Variants in CERS6 observed in about 807,000 individuals in gnomAD.
CERS6 encodes ceramide synthase 6.
Under a neutral mutation model 56.8 loss-of-function variants are expected in CERS6, and 26 were observed. The observed-to-expected ratio is 0.46, with a 90% CI of 0.34 to 0.63. The LOEUF is 0.63. Among genes scored for constraint, CERS6 ranks in the 30% least tolerant of loss-of-function variants. The probability of loss-of-function intolerance (pLI) is 0.01; values close to 1 mark genes in which losing one functional copy is unlikely to be tolerated. For synonymous variants in CERS6, 164 were observed against 173.3 expected, an observed-to-expected ratio of 0.95 and a Z score of 0.42; for missense variants, 415 against 467.5, an observed-to-expected ratio of 0.89 and a Z score of 1.04.
At chr2:168,753,908 AT>A (rs1013002593) in intron 8 of CERS6, among the ~76,000 whole-genome samples, 15 of 152,204 alleles carry the variant, frequency 9.9e-5, no homozygotes, top group African/African-American at 3.4e-4. Context: ...ACTATCTCTT[AT>A]CCCCTTCCTT....
intron 3 of CERS6, among the ~76,000 whole-genome samples, chr2:168,617,252 A>G (rs1559022283): frequency 6.6e-6 from 1 of 152,186 alleles, no homozygotes; most frequent in Non-Finnish European, 1.5e-5. Context: ...AGGAAGGTTC[A>G]TAGCCCTAAA....
chr2:168,539,806 T>A (rs2105367902), intron 1 of CERS6, among the ~76,000 whole-genome samples: 1 of 152,346 alleles, frequency 6.6e-6, no homozygotes, highest in Non-Finnish European at 1.5e-5. Flanking sequence ...CCACTTCTCC[T>A]TTATTGAATT....
intron 3 of CERS6, among the ~76,000 whole-genome samples, chr2:168,608,449 A>G (rs975478981): frequency 9.9e-5 from 15 of 152,196 alleles, no homozygotes; most frequent in African/African-American, 3.6e-4. Context: ...ATGAACATGA[A>G]TATCTAAGAA....
intron 1 of CERS6, among the ~76,000 whole-genome samples, chr2:168,507,629 G>T (rs1224102342): frequency 7.9e-5 from 12 of 152,214 alleles, no homozygotes; most frequent in Admixed American, 7.2e-4. Context: ...CTGTGTAATT[G>T]ATTAGTATTT....
At chr2:168,766,252 A>G in intron 9 of CERS6, 1 of 1,459,960 alleles carries the variant, frequency 6.8e-7, no homozygotes, top group Non-Finnish European at 9.5e-7. Flanking sequence ...TGTAGAGCAG[A>G]GACTTTTCCA....
chr2:168,695,286 G>A (rs922683856), intron 6 of CERS6, among the ~76,000 whole-genome samples: 33 of 152,070 alleles, frequency 2.2e-4, no homozygotes, highest in African/African-American at 7.5e-4. Flanking sequence ...ATGTAATAAT[G>A]TAGCAATGAA....
At chr2:168,523,286 A>C (rs1020018116) in intron 1 of CERS6, among the ~76,000 whole-genome samples, 4 of 152,234 alleles carry the variant, frequency 2.6e-5, no homozygotes, top group African/African-American at 9.6e-5. Context: ...GCTGAGTGGA[A>C]AAATGAACAG....
At chr2:168,657,461 C>T (rs893714356) in intron 4 of CERS6, among the ~76,000 whole-genome samples, 2 of 152,234 alleles carry the variant, frequency 1.3e-5, no homozygotes, top group South Asian at 2.1e-4. Flanking sequence ...CTTGGGTGGT[C>T]GATGGGACTG....
chr2:168,621,844 A>G (rs547631075), intron 3 of CERS6, among the ~76,000 whole-genome samples: 17 of 152,362 alleles, frequency 1.1e-4, no homozygotes, highest in African/African-American at 3.6e-4. Flanking sequence ...TTTTAGCCCT[A>G]AAAGCATGAA....
At chr2:168,514,853 A>G (rs1229451703) in intron 1 of CERS6, among the ~76,000 whole-genome samples, 1 of 152,174 alleles carries the variant, frequency 6.6e-6, no homozygotes, top group African/African-American at 2.4e-5. Flanking sequence ...CCAGTACCTT[A>G]TTTTCACAGT....
intron 1 of CERS6, among the ~76,000 whole-genome samples, chr2:168,503,801 T>G (rs1325174459): frequency 6.6e-6 from 1 of 151,982 alleles, no homozygotes; most frequent in Non-Finnish European, 1.5e-5. Flanking sequence ...GTTTTTGGGG[T>G]CCAAATAAGG....
At chr2:168,558,672 A>G (rs554487192) in intron 2 of CERS6, among the ~76,000 whole-genome samples, 2 of 152,340 alleles carry the variant, frequency 1.3e-5, no homozygotes, top group African/African-American at 2.4e-5. Context: ...GATCGAGACC[A>G]TCCTGGCTAA....
intron 1 of CERS6, among the ~76,000 whole-genome samples, chr2:168,471,519 G>C (rs1417469015): frequency 6.6e-6 from 1 of 152,116 alleles, no homozygotes; most frequent in Non-Finnish European, 1.5e-5. Context: ...TTCTAAAAAG[G>C]AAATAAATTT....
In CERS6 at chr2:168,697,695, C is replaced by A. The variant is rs574157182; in HGVS notation, c.609+2644C>A. Among the ~76,000 whole-genome samples, 19 of 152,222 alleles carry A rather than the reference C, an allele frequency of 1.2e-4. 1 individual carries two copies. Among genetic ancestry groups the A allele is most frequent in the Admixed American group, 9.8e-4 (15 of 15,286 alleles). On this transcript the variant is annotated intron_variant, in intron 6 of 9. Transcript: ENST00000305747. The stretch of plus-strand genomic sequence containing the variant: ...GATTCACTCTTAGATTAGACACATA[C>A]ATAATCCTTGCCTTGCCATGCTCCT...
At chr2:168,612,511 A>G (rs1255963355) in intron 3 of CERS6, among the ~76,000 whole-genome samples, 2 of 152,240 alleles carry the variant, frequency 1.3e-5, no homozygotes, top group Non-Finnish European at 2.9e-5. Context: ...TGTTTAATTC[A>G]CATATGGTGA....
intron 8 of CERS6, among the ~76,000 whole-genome samples, chr2:168,759,637 C>G (rs758095343): frequency 3.9e-5 from 6 of 152,198 alleles, no homozygotes; most frequent in Non-Finnish European, 5.9e-5. Flanking sequence ...TGGCCATGCC[C>G]TGTACTTACT....
intron 3 of CERS6, among the ~76,000 whole-genome samples, chr2:168,576,550 A>C (rs1683273893): frequency 6.6e-6 from 1 of 152,202 alleles, no homozygotes; most frequent in Non-Finnish European, 1.5e-5. Flanking sequence ...CAAGATTTGT[A>C]CATTAAAGTT....
intron 3 of CERS6, among the ~76,000 whole-genome samples, chr2:168,609,974 G>GTTT (rs5836191): frequency 0.055 from 5,123 of 93,782 alleles, 581 homozygotes; most frequent in Admixed American, 0.13. Flanking sequence ...AGATGTGACT[G>GTTT]TTTTTTTTTT....
intron 3 of CERS6, among the ~76,000 whole-genome samples, chr2:168,590,456 T>C (rs1448408316): frequency 1.3e-5 from 2 of 152,196 alleles, no homozygotes; most frequent in Non-Finnish European, 2.9e-5. Context: ...GTAATTCTAG[T>C]GTATGTCAGG....
Sources: gnomAD v4.1 joint callset for allele counts (sites outside exome capture counted in the v4.1 genomes callset) on GRCh38, gnomAD v4.1.1 for gene constraint, MANE v1.5 for transcripts, NCBI Gene and HGNC (gene_info 2026-07-23, HGNC 2026-07-21) for gene names.